PUM3: variants seen among roughly 807,000 people sequenced by gnomAD.
PUM3 encodes the protein pumilio homolog 3.
A neutral mutation model predicts 84.0 loss-of-function variants in PUM3; 91 were observed. That is an observed-to-expected ratio of 1.08 (90% CI 0.91 to 1.29). PUM3 has a LOEUF of 1.29. Ranked by LOEUF, PUM3 falls within the 50% of genes most tolerant of loss-of-function variation. The probability of loss-of-function intolerance (pLI) is 0.00; values close to 1 mark genes in which losing one functional copy is unlikely to be tolerated. For synonymous variants in PUM3, 321 were observed against 266.7 expected (o/e 1.20, Z -1.98); for missense variants, 1,067 against 767.5 (o/e 1.39, Z -4.61).
chr9:2,810,177 A>T (rs1378476070), intron 16 of PUM3, among the ~76,000 whole-genome samples, 167 bp downstream of exon 16: 1 of 152,170 alleles, frequency 6.6e-6, no homozygotes, highest in African/African-American at 2.4e-5. Context: ...TTTCTAGGGG[A>T]AAAAGCATTA....
chr9:2,809,669 A>G (rs1167034960), intron 16 of PUM3, among the ~76,000 whole-genome samples: 1 of 152,220 alleles, frequency 6.6e-6, no homozygotes, highest in Non-Finnish European at 1.5e-5. Flanking sequence ...AAATCTCTCC[A>G]GTGGTTTAAA....
intron 12 of PUM3, among the ~76,000 whole-genome samples, chr9:2,822,687 GAATTATGAATTAT>G (rs1413844552): frequency 1.4e-5 from 2 of 147,356 alleles, no homozygotes; most frequent in East Asian, 2.0e-4. Context: ...ACTTAATATT[GAATTATGAATTAT>G]AATTATGAAT....
chr9:2,814,214 A>ATT (rs372676174), intron 13 of PUM3, among the ~76,000 whole-genome samples: 242 of 118,722 alleles, frequency 2.0e-3, no homozygotes, highest in African/African-American at 9.1e-3. Context: ...AACTCCAACT[A>ATT]TTTTTTTTTT....
intron 1 of PUM3, among the ~76,000 whole-genome samples, chr9:2,842,403 C>T (rs1816288686): frequency 1.3e-5 from 2 of 152,174 alleles, no homozygotes; most frequent in South Asian, 4.2e-4. Context: ...CCAACTCAGG[C>T]ATTCACAGCC....
At chr9:2,815,941 G>C (rs1005333077) in intron 13 of PUM3, among the ~76,000 whole-genome samples, 6 of 152,216 alleles carry the variant, frequency 3.9e-5, no homozygotes, top group African/African-American at 1.4e-4. Context: ...TCTTTGGCCA[G>C]TTCTGACTGC....
intron 17 of PUM3, among the ~76,000 whole-genome samples, chr9:2,804,810 A>G (rs368297486): frequency 1.3e-5 from 2 of 152,296 alleles, no homozygotes; most frequent in East Asian, 1.9e-4. Context: ...CCATCTCAGG[A>G]CTATAAGCTC....
chr9:2,831,163 T>A, intron 6 of PUM3, 88 bp downstream of exon 6: 1 of 1,090,208 alleles, frequency 9.2e-7, no homozygotes, highest in Non-Finnish European at 1.4e-6. Context: ...TAAACAAAAA[T>A]TGTTTTCTAG....
At chr9:2,808,329 C>A (rs1444003686) in intron 16 of PUM3, among the ~76,000 whole-genome samples, 1 of 152,234 alleles carries the variant, frequency 6.6e-6, no homozygotes, top group Non-Finnish European at 1.5e-5. Context: ...GTGCCATGAA[C>A]ATAACACAGT....
Position 2,827,039 on chromosome 9 carries a change from T to C in PUM3, c.1035+34A>G, listed in dbSNP as rs570769320. 324 of 1,545,664 alleles carry C rather than the reference T, an allele frequency of 2.1e-4. 1 individual carries two copies. In the South Asian group the frequency reaches 3.6e-3, roughly 17 times the overall value. ...AAATTTCTACACCGCTCCTCCTCCATGTTTTAGTTTAAAAACAAAAACCAA... is the reference window on the plus strand; with the variant it reads ...AAATTTCTACACCGCTCCTCCTCCACGTTTTAGTTTAAAAACAAAAACCAA... On this transcript the variant is annotated intron_variant, in intron 10 of 17. Transcript: ENST00000397885.
chr9:2,814,715 A>C (rs936440833), intron 13 of PUM3, among the ~76,000 whole-genome samples: 1 of 152,160 alleles, frequency 6.6e-6, no homozygotes. Flanking sequence ...CAGTTTAAAA[A>C]ACAAAAACAA....
At chr9:2,810,250 T>C (rs1257372633) in intron 16 of PUM3, 94 bp downstream of exon 16, 2 of 804,568 alleles carry the variant, frequency 2.5e-6, no homozygotes, top group Non-Finnish European at 4.2e-6. Context: ...GCAAACTTCA[T>C]TTGAGCTTAA....
chr9:2,826,201 T>G (rs185230133), intron 10 of PUM3, among the ~76,000 whole-genome samples: 1 of 152,332 alleles, frequency 6.6e-6, no homozygotes, highest in Admixed American at 6.5e-5. Context: ...GATTTTTTGC[T>G]GTTACTGAAA....
intron 12 of PUM3, among the ~76,000 whole-genome samples, 186 bp downstream of exon 12, chr9:2,823,595 T>C (rs1237803636): frequency 2.0e-5 from 3 of 152,138 alleles, no homozygotes; most frequent in South Asian, 4.1e-4. Flanking sequence ...GAGAAAAGAA[T>C]GCATGTGACA....
chr9:2,839,652 T>G (rs972351199), intron 1 of PUM3, among the ~76,000 whole-genome samples: 1 of 152,198 alleles, frequency 6.6e-6, no homozygotes, highest in Non-Finnish European at 1.5e-5. Flanking sequence ...TCTAGACTTT[T>G]CTAATGATTT....
chr9:2,809,403 A>G (rs1450436252), intron 16 of PUM3, among the ~76,000 whole-genome samples: 1 of 152,228 alleles, frequency 6.6e-6, no homozygotes, highest in Admixed American at 6.5e-5. Flanking sequence ...TTAATAATGA[A>G]AAAGATTATT....
At chr9:2,815,012 A>G (rs1821443756) in intron 13 of PUM3, among the ~76,000 whole-genome samples, 1 of 152,210 alleles carries the variant, frequency 6.6e-6, no homozygotes, top group South Asian at 2.1e-4. Flanking sequence ...GGTTTTATAA[A>G]ATGAGAAACT....
At chr9:2,821,798 T>G (rs1028336829) in intron 12 of PUM3, among the ~76,000 whole-genome samples, 1 of 152,172 alleles carries the variant, frequency 6.6e-6, no homozygotes, top group Non-Finnish European at 1.5e-5. Flanking sequence ...GTACAAAGAC[T>G]TACATATGAA....
At chr9:2,826,801 G>C (rs1815835038) in intron 10 of PUM3, among the ~76,000 whole-genome samples, 1 of 151,978 alleles carries the variant, frequency 6.6e-6, no homozygotes, top group Non-Finnish European at 1.5e-5. Context: ...TTAATTTTCA[G>C]ATTAGGTTAG....
intron 1 of PUM3, among the ~76,000 whole-genome samples, chr9:2,840,916 G>A (rs527351907): frequency 6.6e-6 from 1 of 152,298 alleles, no homozygotes; most frequent in Admixed American, 6.5e-5. Context: ...TCACTGAGGT[G>A]TCCCTGTTTC....
Sources: allele counts gnomAD v4.1 joint callset (sites outside exome capture counted in the v4.1 genomes callset), GRCh38; gene constraint gnomAD v4.1.1; transcripts MANE v1.5; gene names NCBI Gene and HGNC (gene_info 2026-07-23, HGNC 2026-07-21).